The following MAP2K1 variants were observed in gnomAD, a reference collection of about 807,000 sequenced individuals.
The protein encoded by MAP2K1 is dual specificity mitogen-activated protein kinase kinase 1.
MAP2K1 carries 16 observed loss-of-function variants against 46.3 expected under a neutral mutation model. The observed-to-expected ratio is 0.35, with a 90% CI of 0.23 to 0.52. The LOEUF (loss-of-function observed/expected upper bound fraction) is 0.52. Among genes scored for constraint, MAP2K1 ranks in the 20% least tolerant of loss-of-function variants. MAP2K1 has a pLI of 0.94. For synonymous variants in MAP2K1, 183 were observed against 185.6 expected (o/e 0.99, Z 0.11); for missense variants, 263 against 497.1 (o/e 0.53, Z 4.48).
intron 1 of MAP2K1, among the ~76,000 whole-genome samples, chr15:66,403,436 G>T (rs1299566354): frequency 6.6e-6 from 1 of 152,104 alleles, no homozygotes; most frequent in East Asian, 1.9e-4. Context: ...TAGTAGGAGG[G>T]CCTATTTTTA....
At chr15:66,412,412 G>T (rs1395209128) in intron 1 of MAP2K1, among the ~76,000 whole-genome samples, 1 of 152,188 alleles carries the variant, frequency 6.6e-6, no homozygotes, top group Admixed American at 6.5e-5. Context: ...GATCTGGAAA[G>T]CTGAACTCAG....
chr15:66,483,139 G>A (rs1892952178), intron 6 of MAP2K1, among the ~76,000 whole-genome samples: 3 of 152,144 alleles, frequency 2.0e-5, no homozygotes, highest in Admixed American at 2.0e-4. Flanking sequence ...CCAGGCAGAC[G>A]CCCTTTGCAC....
intron 5 of MAP2K1, among the ~76,000 whole-genome samples, chr15:66,466,415 A>G (rs1425313902): frequency 6.6e-6 from 1 of 151,938 alleles, no homozygotes; most frequent in African/African-American, 2.4e-5. Flanking sequence ...GTGGTGGCTC[A>G]CGCCTGTAAT....
At chr15:66,463,208 C>G (rs577211408) in intron 5 of MAP2K1, among the ~76,000 whole-genome samples, 1 of 152,286 alleles carries the variant, frequency 6.6e-6, no homozygotes, top group African/African-American at 2.4e-5. Flanking sequence ...TTTCTCCCTT[C>G]TTCATTTGTC....
intron 1 of MAP2K1, among the ~76,000 whole-genome samples, chr15:66,403,214 G>A (rs2093386706): frequency 6.6e-6 from 1 of 152,076 alleles, no homozygotes; most frequent in African/African-American, 2.4e-5. Flanking sequence ...AAGTTACTTG[G>A]TTTGACAGTT....
chr15:66,477,879 A>G (rs1892794939), intron 5 of MAP2K1, among the ~76,000 whole-genome samples: 1 of 152,080 alleles, frequency 6.6e-6, no homozygotes, highest in Non-Finnish European at 1.5e-5. Context: ...TTCCATTTTC[A>G]GCATCATTTT....
intron 5 of MAP2K1, among the ~76,000 whole-genome samples, chr15:66,478,421 GGT>G (rs1892822285): frequency 8.1e-6 from 1 of 123,524 alleles, no homozygotes; most frequent in African/African-American, 2.8e-5. Flanking sequence ...TATACACACA[GGT>G]ATATATATAT....
chr15:66,485,214 AT>A, intron 7 of MAP2K1, 23 bp downstream of exon 7: 1 of 1,606,164 alleles, frequency 6.2e-7, no homozygotes, highest in East Asian at 2.2e-5. Flanking sequence ...GTGTGTCCCC[AT>A]CTTGGACTGT....
intron 3 of MAP2K1, among the ~76,000 whole-genome samples, chr15:66,441,626 C>T (rs577740935): frequency 5.3e-5 from 8 of 152,058 alleles, no homozygotes; most frequent in Non-Finnish European, 1.0e-4. Context: ...CTGTTCTCTT[C>T]ATTCAACTGT....
intron 1 of MAP2K1, among the ~76,000 whole-genome samples, chr15:66,432,959 A>AGTGTGTGT (rs1164509967): frequency 0.23 from 30,035 of 131,690 alleles, 3,913 homozygotes; most frequent in Non-Finnish European, 0.28. Flanking sequence ...CATCATGCAC[A>AGTGTGTGT]GTGTGTGTGT....
chr15:66,388,201 G>C (rs1035899538), intron 1 of MAP2K1, among the ~76,000 whole-genome samples: 1 of 151,482 alleles, frequency 6.6e-6, no homozygotes, highest in East Asian at 1.9e-4. Context: ...AGCTTCCAGC[G>C]TTGCTTACAA....
Position 66,443,355 on chromosome 15 carries a change from G to T in MAP2K1, c.514G>T (p.Ala172Ser). 3 of 1,595,624 alleles carry T rather than the reference G, an allele frequency of 1.9e-6. No homozygotes were observed. Among genetic ancestry groups the T allele is most frequent in the Non-Finnish European group, 2.6e-6 (3 of 1,163,240 alleles). ...ACAAATTTTAGGAAAAGTTAGCATT[G>T]CTGTGAGTATGTTATGAAGTTTTTC... ...PEQILGKVSI[A>S]VIKGLTYLRE... Residue 172 changes from alanine (A) to serine (S), a missense_variant and splice_region_variant, in exon 4 of 11, where the codon GCT becomes TCT. Around this residue, in one of 4 missense-constraint regions of MAP2K1, gnomAD observed 103 missense variants for 221.6 expected, o/e 0.46. Transcript: ENST00000307102.
At position 66,387,460 on chromosome 15, in the gene MAP2K1, C is replaced by T. The variant is rs56149436; in HGVS notation, c.80+33C>T. Reference sequence around the variant, plus strand: ...TGGGGCGGGCGGTGAACCTCGGGGCCCGGCTGGGGAGGCCCGAGCCGGGGA... The same window carrying T: ...TGGGGCGGGCGGTGAACCTCGGGGCTCGGCTGGGGAGGCCCGAGCCGGGGA... On this transcript the variant is annotated intron_variant, in intron 1 of 10. Coordinates refer to ENST00000307102, the MANE Select transcript of MAP2K1 (RefSeq NM_002755.4). 1.3e-6 allele frequency: 2 copies of T among 1,547,004 alleles called. No individual in the cohort carries two copies. Among genetic ancestry groups the T allele is most frequent in the Non-Finnish European group, 1.7e-6 (2 of 1,143,414 alleles).
chr15:66,387,054 G>A lies in MAP2K1; in HGVS notation c.-294G>A, dbSNP rs1595830830. ...GGACTGGTTGGTTGAGAGAGAGAGA[G>A]GAAGGGAATCCCGGGCTGCCGAACC... On this transcript the variant is annotated 5_prime_UTR_variant, in exon 1 of 11. Transcript: ENST00000307102. 2 of 375,646 alleles carry A rather than the reference G, an allele frequency of 5.3e-6. No individual in the cohort carries two copies. Among genetic ancestry groups the A allele is most frequent in the Admixed American group, 4.8e-5 (1 of 20,746 alleles). 23.3% of individuals were successfully genotyped at this position (375,646 alleles called of 1,614,324 possible).
chr15:66,388,795 C>T (rs779512327), intron 1 of MAP2K1, among the ~76,000 whole-genome samples: 24 of 152,034 alleles, frequency 1.6e-4, no homozygotes, highest in Non-Finnish European at 2.6e-4. Context: ...CAGACCTGCT[C>T]CCAACAGACT....
chr15:66,396,387 G>A lies in MAP2K1; in HGVS notation c.80+8960G>A, dbSNP rs117792781. On this transcript the variant is annotated intron_variant, in intron 1 of 10. Coordinates refer to ENST00000307102, the MANE Select transcript of MAP2K1 (RefSeq NM_002755.4). ...TCCGCCTCCCACATTTTCCTGCCTC[G>A]GCCTCCCAAGTAGCTATGATAACAG... 3.1e-3 allele frequency among the ~76,000 whole-genome samples: 469 copies of A among 151,248 alleles called. 3 individuals are homozygous for A. Among genetic ancestry groups the A allele is most frequent in the Middle Eastern group, 0.014 (4 of 286 alleles).
chr15:66,396,094 C>T (rs2140520701), intron 1 of MAP2K1, among the ~76,000 whole-genome samples: 1 of 152,020 alleles, frequency 6.6e-6, no homozygotes, highest in South Asian at 2.1e-4. Flanking sequence ...GCAACCTATG[C>T]CTCCCGGGTT....
chr15:66,429,550 A>G (rs891858117), intron 1 of MAP2K1, among the ~76,000 whole-genome samples: 1 of 151,966 alleles, frequency 6.6e-6, no homozygotes, highest in Non-Finnish European at 1.5e-5. Flanking sequence ...TCCTATAGGT[A>G]GTTGAACAGC....
intron 1 of MAP2K1, among the ~76,000 whole-genome samples, chr15:66,395,426 C>T (rs1372742132): frequency 6.6e-6 from 1 of 152,076 alleles, no homozygotes; most frequent in East Asian, 1.9e-4. Context: ...TCTGTTTTTC[C>T]GTTCACCTGC....
Sources: allele counts gnomAD v4.1 joint callset (sites outside exome capture counted in the v4.1 genomes callset), GRCh38; gene constraint gnomAD v4.1.1; regional missense constraint gnomAD v4.1.1; transcripts MANE v1.5; gene names NCBI Gene and HGNC (gene_info 2026-07-23, HGNC 2026-07-21).